The following NRG1 variants were observed in gnomAD, a reference collection of about 807,000 sequenced individuals.
NRG1 encodes neuregulin 1, also known as pro-neuregulin-1, membrane-bound isoform.
NRG1 carries 18 observed loss-of-function variants against 63.8 expected under a neutral mutation model. That is an observed-to-expected ratio of 0.28 (90% confidence interval 0.19 to 0.42). NRG1 has a LOEUF of 0.42. Ranked by LOEUF, NRG1 falls within the 10% of genes least tolerant of loss-of-function variation. The probability of loss-of-function intolerance (pLI) is 1.00; values close to 1 mark genes in which losing one functional copy is unlikely to be tolerated. For missense variants in NRG1, 762 were observed against 814.7 expected, an observed-to-expected ratio of 0.94 and a Z score of 0.79; for synonymous variants, 302 against 301.3, an observed-to-expected ratio of 1.00 and a Z score of -0.02.
intron 1 of NRG1, among the ~76,000 whole-genome samples, chr8:32,482,060 A>G (rs1825350801): frequency 6.6e-6 from 1 of 152,228 alleles, no homozygotes; most frequent in South Asian, 2.1e-4. Context: ...CAAACAAATG[A>G]TGACGCTGTA....
At chr8:32,704,798 A>G (rs926685628) in intron 5 of NRG1, among the ~76,000 whole-genome samples, 2 of 152,222 alleles carry the variant, frequency 1.3e-5, no homozygotes, top group African/African-American at 2.4e-5. Flanking sequence ...AATTATATTT[A>G]TCATTTACAG....
intron 1 of NRG1, among the ~76,000 whole-genome samples, chr8:32,514,938 G>GAGCACAGTAC (rs1260720989): frequency 6.6e-6 from 1 of 151,050 alleles, no homozygotes; most frequent in Non-Finnish European, 1.5e-5. Context: ...CCCAGGTAAT[G>GAGCACAGTAC]CAAGCAACAT....
At chr8:32,577,658 T>C (rs2129529999) in intron 1 of NRG1, among the ~76,000 whole-genome samples, 1 of 152,294 alleles carries the variant, frequency 6.6e-6, no homozygotes. Context: ...CAACATTTAT[T>C]CTCAACAACT....
intron 1 of NRG1, among the ~76,000 whole-genome samples, chr8:32,530,168 T>C (rs1056652318): frequency 1.3e-5 from 2 of 151,894 alleles, no homozygotes; most frequent in Non-Finnish European, 2.9e-5. Flanking sequence ...AGTGCAGTGG[T>C]GCTATCTCGG....
chr8:32,675,544 G>T (rs1806862451), intron 5 of NRG1, among the ~76,000 whole-genome samples: 4 of 152,144 alleles, frequency 2.6e-5, no homozygotes, highest in Admixed American at 2.6e-4. Flanking sequence ...TGTATTCAAA[G>T]AGTAAAATAT....
intron 1 of NRG1, among the ~76,000 whole-genome samples, chr8:32,291,962 C>T (rs977893729): frequency 6.6e-6 from 1 of 152,174 alleles, no homozygotes; most frequent in Non-Finnish European, 1.5e-5. Context: ...AGCATACCTT[C>T]TCAGAGAAAG....
At chr8:31,836,058 A>G (rs956434689) in intron 1 of NRG1, among the ~76,000 whole-genome samples, 1 of 152,188 alleles carries the variant, frequency 6.6e-6, no homozygotes, top group Admixed American at 6.5e-5. Context: ...AGCTGAATGG[A>G]CCTTAGAGTA....
At chr8:32,698,867 G>A (rs1342638469) in intron 5 of NRG1, among the ~76,000 whole-genome samples, 2 of 152,164 alleles carry the variant, frequency 1.3e-5, no homozygotes, top group Non-Finnish European at 2.9e-5. Flanking sequence ...TCAGGACTAG[G>A]AGCGATTTCC....
chr8:31,730,469 A>G (rs550277590), intron 1 of NRG1, among the ~76,000 whole-genome samples: 48 of 152,298 alleles, frequency 3.2e-4, no homozygotes, highest in African/African-American at 1.1e-3. Flanking sequence ...ATACACACAC[A>G]TAACTATTGA....
rs573294830 is a variant in NRG1 at position 31,823,735 on chromosome 8, T to C, written c.37+184304T>C. Among the ~76,000 whole-genome samples the C allele has an allele frequency of 2.6e-5, 4 of 152,344 alleles. No individual in the cohort carries two copies. In the South Asian group the frequency reaches 6.2e-4, roughly 24 times the overall value. On this transcript the variant is annotated intron_variant, in intron 1 of 10. Transcript: ENST00000519301. The stretch of plus-strand genomic sequence containing the variant: ...ATGCCATGATTTTACCTTCTACTGA[T>C]GGAAAGAAAAGTAACTTTGATTATT...
chr8:32,733,729 A>G (rs1824321170), intron 6 of NRG1, among the ~76,000 whole-genome samples: 1 of 152,234 alleles, frequency 6.6e-6, no homozygotes, highest in Admixed American at 6.5e-5. Flanking sequence ...AAAGAAAATG[A>G]AATTGCTAAA....
At chr8:31,705,105 G>A (rs1180129004) in intron 1 of NRG1, among the ~76,000 whole-genome samples, 3 of 151,936 alleles carry the variant, frequency 2.0e-5, no homozygotes, top group South Asian at 2.1e-4. Flanking sequence ...GCGCGATCTC[G>A]GCTGACTGCA....
At chr8:32,603,454 C>T (rs188153423) in intron 2 of NRG1, among the ~76,000 whole-genome samples, 24 of 152,106 alleles carry the variant, frequency 1.6e-4, no homozygotes, top group Non-Finnish European at 2.5e-4. Flanking sequence ...CTGTTGACAT[C>T]GAGTCCCGAC....
At chr8:32,419,317 T>C (rs1816366685) in intron 1 of NRG1, among the ~76,000 whole-genome samples, 1 of 152,172 alleles carries the variant, frequency 6.6e-6, no homozygotes, top group Admixed American at 6.5e-5. Context: ...TGTTTTGCAG[T>C]AGGCGTTGGA....
intron 1 of NRG1, among the ~76,000 whole-genome samples, chr8:32,412,440 A>G (rs60683937): frequency 0.32 from 14,127 of 43,854 alleles, 1,308 homozygotes; most frequent in Middle Eastern, 0.51. Context: ...ATATATATAT[A>G]TATATATATA....
At chr8:31,913,803 G>A (rs939588986) in intron 1 of NRG1, among the ~76,000 whole-genome samples, 2 of 151,938 alleles carry the variant, frequency 1.3e-5, no homozygotes, top group Admixed American at 1.3e-4. Flanking sequence ...AGTTTGTGCA[G>A]GAAAAAAAAT....
At chr8:32,274,461 G>A (rs918708432) in intron 1 of NRG1, among the ~76,000 whole-genome samples, 6 of 152,202 alleles carry the variant, frequency 3.9e-5, no homozygotes, top group African/African-American at 1.4e-4. Flanking sequence ...GAATTGATAT[G>A]AGCAAAATGT....
At chr8:32,594,063 T>C (rs987760614) in intron 1 of NRG1, among the ~76,000 whole-genome samples, 1 of 152,118 alleles carries the variant, frequency 6.6e-6, no homozygotes, top group Non-Finnish European at 1.5e-5. Context: ...ATTCAAATGA[T>C]TTTTTTCTGA....
chr8:32,000,939 C>CT (rs1812819786), intron 1 of NRG1, among the ~76,000 whole-genome samples: 1 of 151,814 alleles, frequency 6.6e-6, no homozygotes, highest in African/African-American at 2.4e-5. Context: ...ATAAATACCC[C>CT]TATTACACAT....
Sources: allele counts gnomAD v4.1 joint callset (sites outside exome capture counted in the v4.1 genomes callset), GRCh38; gene constraint gnomAD v4.1.1; transcripts MANE v1.5; gene names NCBI Gene and HGNC (gene_info 2026-07-23, HGNC 2026-07-21).